CSMD1: variants seen among roughly 807,000 people sequenced by gnomAD.
CSMD1 encodes the protein CUB and sushi domain-containing protein 1.
CSMD1 carries 213 observed loss-of-function variants against 417.5 expected under a neutral mutation model. The observed-to-expected ratio is 0.51, with a 90% confidence interval of 0.46 to 0.57. The LOEUF is 0.57. CSMD1 is among the 20% of genes least tolerant of loss of function. The pLI, the probability that CSMD1 is intolerant of heterozygous loss-of-function variation, is 0.00. For synonymous variants in CSMD1, 2,862 were observed against 1,736.8 expected (o/e 1.65, Z -16.11); for missense variants, 6,923 against 4,529.7 (o/e 1.53, Z -15.17).
intron 1 of CSMD1, among the ~76,000 whole-genome samples, chr8:4,761,704 G>A (rs189439845): frequency 3.3e-5 from 5 of 152,120 alleles, no homozygotes; most frequent in Admixed American, 6.5e-5. Flanking sequence ...ATTAAATGAT[G>A]CACTGTTTAT....
At position 3,747,468 on chromosome 8, in the gene CSMD1, T is replaced by A. The variant is rs181152361; in HGVS notation, c.931+6462A>T. Among the ~76,000 whole-genome samples, 3 of 151,684 alleles carry A rather than the reference T, an allele frequency of 2.0e-5. No individual in the cohort carries two copies. The East Asian group carries it at 5.8e-4, about 29-fold the overall frequency. ...GCGAACACATAGCTTTGCAAATTCC[T>A]GTTTTTCATATAAACAAATCATACG... On this transcript the variant is annotated intron_variant, in intron 6 of 69. Transcript: ENST00000635120.
At position 4,750,591 on chromosome 8, in the gene CSMD1, G is replaced by A. The variant is rs534055889; in HGVS notation, c.86-113033C>T. Among the ~76,000 whole-genome samples, 255 of 152,046 alleles carry A rather than the reference G, an allele frequency of 1.7e-3. 1 individual carries two copies. The highest frequency in any genetic ancestry group is 5.9e-3 in the African/African-American group (243 of 41,482). ...TTTCACTTTATAAGTAATTCTGAGT[G>A]GTTCGTGATCCAGCAATGAGACTAA... On this transcript the variant is annotated intron_variant, in intron 1 of 69. Transcript: ENST00000635120.
chr8:3,295,533 C>T (rs77062371), intron 25 of CSMD1, among the ~76,000 whole-genome samples: 7,499 of 152,194 alleles, frequency 0.049, 611 homozygotes, highest in African/African-American at 0.17. Context: ...TAGTTCCTTA[C>T]TAAAGGTCAG....
At chr8:2,968,219 T>C (rs1804140739) in intron 57 of CSMD1, among the ~76,000 whole-genome samples, 1 of 152,226 alleles carries the variant, frequency 6.6e-6, no homozygotes, top group South Asian at 2.1e-4. Flanking sequence ...CACATATTCC[T>C]CACTTACTGT....
At chr8:4,646,067 G>A (rs775529862) in intron 1 of CSMD1, among the ~76,000 whole-genome samples, 4 of 152,114 alleles carry the variant, frequency 2.6e-5, no homozygotes, top group Non-Finnish European at 5.9e-5. Flanking sequence ...CCTGAAACAG[G>A]TGACAATCTA....
intron 5 of CSMD1, among the ~76,000 whole-genome samples, chr8:3,905,154 A>T (rs1056481560): frequency 6.6e-6 from 1 of 152,192 alleles, no homozygotes; most frequent in Non-Finnish European, 1.5e-5. Flanking sequence ...CCATTTAAAG[A>T]ATGATTAATA....
chr8:3,178,059 T>A (rs887457189), intron 37 of CSMD1, among the ~76,000 whole-genome samples: 2 of 152,230 alleles, frequency 1.3e-5, no homozygotes, highest in Non-Finnish European at 2.9e-5. Flanking sequence ...TTTACTTGGA[T>A]TCTGTAAGAT....
chr8:3,693,742 G>C (rs1344414755), intron 7 of CSMD1, among the ~76,000 whole-genome samples: 3 of 152,058 alleles, frequency 2.0e-5, no homozygotes, highest in African/African-American at 7.2e-5. Flanking sequence ...GCTTGTTATG[G>C]TGTGTGTGTT....
chr8:4,627,569 G>A (rs994418861), intron 2 of CSMD1, among the ~76,000 whole-genome samples: 1 of 152,046 alleles, frequency 6.6e-6, no homozygotes, highest in Non-Finnish European at 1.5e-5. Context: ...TTACTAAAGT[G>A]ATTTCTTCAT....
intron 7 of CSMD1, among the ~76,000 whole-genome samples, chr8:3,706,039 C>A (rs529464974): frequency 6.6e-6 from 1 of 152,234 alleles, no homozygotes; most frequent in Non-Finnish European, 1.5e-5. Flanking sequence ...AAACGGGGCT[C>A]ATGGTGGGAA....
chr8:4,366,131 C>T (rs953370506), intron 3 of CSMD1, among the ~76,000 whole-genome samples: 1 of 152,142 alleles, frequency 6.6e-6, no homozygotes, highest in Admixed American at 6.5e-5. Flanking sequence ...TACTTTGTGT[C>T]ACTGTCTTCA....
At chr8:3,993,637 C>A (rs879722674) in intron 5 of CSMD1, among the ~76,000 whole-genome samples, 2 of 152,116 alleles carry the variant, frequency 1.3e-5, no homozygotes, top group African/African-American at 2.4e-5. Flanking sequence ...GCAAAAGGGT[C>A]AAGTTATGCT....
At chr8:3,360,640 C>A (rs544635876) in intron 20 of CSMD1, among the ~76,000 whole-genome samples, 1 of 152,140 alleles carries the variant, frequency 6.6e-6, no homozygotes, top group Non-Finnish European at 1.5e-5. Context: ...TGCATTATTG[C>A]AAAGAATTGG....
At chr8:4,520,214 C>A (rs1803365786) in intron 2 of CSMD1, among the ~76,000 whole-genome samples, 4 of 152,098 alleles carry the variant, frequency 2.6e-5, no homozygotes. Context: ...CAGAAAGATT[C>A]TTGTCCTATT....
At chr8:3,888,933 T>C (rs983347230) in intron 5 of CSMD1, among the ~76,000 whole-genome samples, 1 of 152,184 alleles carries the variant, frequency 6.6e-6, no homozygotes, top group Non-Finnish European at 1.5e-5. Context: ...ACCATTTAGG[T>C]TTATGTGAAG....
intron 3 of CSMD1, among the ~76,000 whole-genome samples, chr8:4,191,165 G>A (rs1293292954): frequency 1.3e-5 from 2 of 152,188 alleles, no homozygotes; most frequent in Non-Finnish European, 2.9e-5. Flanking sequence ...GGGAGGCCGA[G>A]GCAGGTGGAT....
intron 6 of CSMD1, among the ~76,000 whole-genome samples, chr8:3,744,315 T>C (rs1796960323): frequency 6.6e-6 from 1 of 152,122 alleles, no homozygotes; most frequent in Admixed American, 6.6e-5. Context: ...ACGGAGAGCA[T>C]CTACTCTGCC....
chr8:3,200,255 C>T (rs905345719), intron 32 of CSMD1, among the ~76,000 whole-genome samples: 1 of 151,728 alleles, frequency 6.6e-6, no homozygotes, highest in Non-Finnish European at 1.5e-5. Flanking sequence ...ATATTTTTAA[C>T]CTTTAAAAGC....
rs760216046 is a variant in CSMD1 at position 3,048,761 on chromosome 8, C to T, written c.7660+3701G>A. ...ACTTCATTAAAATTAAAGTCCTCAGCTCTGCAGAAGACACTATTAAGAAAA... is the reference window on the plus strand; with the variant it reads ...ACTTCATTAAAATTAAAGTCCTCAGTTCTGCAGAAGACACTATTAAGAAAA... On this transcript the variant is annotated intron_variant, in intron 50 of 69. Transcript: ENST00000635120. Among the ~76,000 whole-genome samples the T allele has an allele frequency of 4.0e-5, 6 of 151,430 alleles. No homozygotes were observed. The South Asian group carries it at 1.2e-3, about 31-fold the overall frequency.
Sources: gnomAD v4.1 joint callset for allele counts (sites outside exome capture counted in the v4.1 genomes callset) on GRCh38, gnomAD v4.1.1 for gene constraint, MANE v1.5 for transcripts, NCBI Gene and HGNC (gene_info 2026-07-23, HGNC 2026-07-21) for gene names.